The following ZFHX3 variants were observed in gnomAD, a reference collection of about 807,000 sequenced individuals.
The protein encoded by ZFHX3 is zinc finger homeobox 3.
In ZFHX3, 42 loss-of-function variants were observed where a neutral mutation model predicts 279.1. The observed-to-expected ratio is 0.15, with a 90% CI of 0.12 to 0.19. The LOEUF (loss-of-function observed/expected upper bound fraction) is 0.19, where lower values mean the gene tolerates loss of function less well. Among genes scored for constraint, ZFHX3 ranks in the 10% least tolerant of loss-of-function variants. The probability of loss-of-function intolerance (pLI) is 1.00; values close to 1 mark genes in which losing one functional copy is unlikely to be tolerated. For synonymous variants in ZFHX3, 2,293 were observed against 1,957.8 expected (o/e 1.17, Z -4.52); for missense variants, 4,981 against 4,754.0 (o/e 1.05, Z -1.40).
At chr16:73,578,221 T>C (rs825687) in intron 2 of ZFHX3, among the ~76,000 whole-genome samples, 73,915 of 152,020 alleles carry the variant, frequency 0.49, 20,334 homozygotes, top group East Asian at 0.8. Context: ...AGACAACTGA[T>C]TAGATTGATT....
At chr16:73,185,955 G>T (rs897616491) in intron 5 of ZFHX3, among the ~76,000 whole-genome samples, 1 of 152,056 alleles carries the variant, frequency 6.6e-6, no homozygotes, top group African/African-American at 2.4e-5. Flanking sequence ...TCTGCCTCCC[G>T]TCAGATCAGC....
Position 72,915,656 on chromosome 16 carries a change from C to T in ZFHX3, c.3217-25694G>A, listed in dbSNP as rs148430554. On this transcript the variant is annotated intron_variant, in intron 3 of 9. Coordinates refer to ENST00000268489, the MANE Select transcript of ZFHX3 (RefSeq NM_006885.4). The stretch of plus-strand genomic sequence containing the variant: ...TGCATGCCTGTGGTTCCAGCTACTC[C>T]GGAGGCTGAGGGAGGAGGATCACTT... Among the ~76,000 whole-genome samples, 327 of 152,004 alleles carry T rather than the reference C, an allele frequency of 2.2e-3. 2 individuals are homozygous for T. Among genetic ancestry groups the T allele is most frequent in the African/African-American group, 7.5e-3 (311 of 41,444 alleles).
rs557482637 is a variant in ZFHX3 at position 73,156,983 on chromosome 16, ATTGCAG to A, written c.-1103-13158_-1103-13153del. The stretch of plus-strand genomic sequence containing the variant: ...CACCTCGGCCTCCCAAAGTGCTTGG[ATTGCAG>A]GCGTGAGCCACCGTGCCCGGCCTCC... On this transcript the variant is annotated intron_variant, in intron 5 of 17. Transcript: ENST00000641206. 9.0e-4 allele frequency among the ~76,000 whole-genome samples: 137 copies of A among 152,250 alleles called. 1 individual carries two copies. The South Asian group carries it at 0.028, about 31-fold the overall frequency.
intron 4 of ZFHX3, among the ~76,000 whole-genome samples, chr16:73,298,153 T>C (rs1466823137): frequency 6.6e-6 from 1 of 151,686 alleles, no homozygotes; most frequent in Non-Finnish European, 1.5e-5. Flanking sequence ...ATTGAGTCAC[T>C]GTATTCCAGC....
At chr16:72,928,411 T>C (rs1425462294) in intron 3 of ZFHX3, among the ~76,000 whole-genome samples, 6 of 151,984 alleles carry the variant, frequency 3.9e-5, no homozygotes, top group South Asian at 2.1e-4. Flanking sequence ...GAGATTTGAA[T>C]ACATGCAAAA....
intron 5 of ZFHX3, among the ~76,000 whole-genome samples, chr16:73,177,739 T>C (rs1161152129): frequency 6.6e-6 from 1 of 152,236 alleles, no homozygotes; most frequent in Non-Finnish European, 1.5e-5. Flanking sequence ...TAAATGTTGA[T>C]TGTGTTTCTA....
At chr16:72,954,063 A>G (rs543697852) in intron 2 of ZFHX3, among the ~76,000 whole-genome samples, 1 of 152,322 alleles carries the variant, frequency 6.6e-6, no homozygotes, top group Admixed American at 6.5e-5. Context: ...AAACAGGAGC[A>G]GGGCCCCTAT....
At chr16:73,231,929 T>C (rs1259540982) in intron 5 of ZFHX3, 1 of 152,122 alleles carries the variant, frequency 6.6e-6, no homozygotes, top group African/African-American at 2.4e-5. Context: ...TTTTTTTCTA[T>C]CTTTTGGGCG....
At chr16:73,862,647 A>G (rs1373451677) in intron 1 of ZFHX3, among the ~76,000 whole-genome samples, 1 of 152,018 alleles carries the variant, frequency 6.6e-6, no homozygotes, top group Non-Finnish European at 1.5e-5. Context: ...GTGGTGGCAC[A>G]TGCCTGTTTG....
chr16:73,156,171 G>A (rs565050144), intron 5 of ZFHX3, among the ~76,000 whole-genome samples: 3 of 145,100 alleles, frequency 2.1e-5, no homozygotes, highest in Non-Finnish European at 4.5e-5. Context: ...GGCAGAGCTT[G>A]CAGTGAGCCA....
chr16:73,647,024 C>CT (rs36121781), intron 2 of ZFHX3, among the ~76,000 whole-genome samples: 85,168 of 133,762 alleles, frequency 0.64, 27,020 homozygotes, highest in East Asian at 0.83. Context: ...TTTTTTTTTT[C>CT]TTTTTTTTTT....
At chr16:73,012,432 A>T (rs1480328490) in intron 1 of ZFHX3, among the ~76,000 whole-genome samples, 1 of 152,126 alleles carries the variant, frequency 6.6e-6, no homozygotes, top group East Asian at 1.9e-4. Context: ...ATTAAATTAG[A>T]GCTGTTAAAT....
chr16:73,498,049 A>G (rs1399461182), intron 2 of ZFHX3, among the ~76,000 whole-genome samples: 3 of 152,208 alleles, frequency 2.0e-5, no homozygotes, highest in Admixed American at 2.0e-4. Flanking sequence ...GTGCAATATT[A>G]ACAATGGCCA....
chr16:73,485,729 G>C (rs2143636671), intron 2 of ZFHX3, among the ~76,000 whole-genome samples: 2 of 152,214 alleles, frequency 1.3e-5, no homozygotes, highest in East Asian at 3.9e-4. Context: ...CCTGTGTACT[G>C]CCCTACCATG....
rs1231452893 is a variant in ZFHX3, at chr16:73,054,895, T to A, written c.-24+3635A>T. Among the ~76,000 whole-genome samples, 4 of 152,210 alleles carry A rather than the reference T, an allele frequency of 2.6e-5. No homozygotes were observed. The East Asian group carries it at 7.7e-4, about 29-fold the overall frequency. ...CAAACCACAGAACCCCTGCCAACTCTCTCTCTCTAAGATAAAGGGGAAAAA... is the reference window on the plus strand; with the variant it reads ...CAAACCACAGAACCCCTGCCAACTCACTCTCTCTAAGATAAAGGGGAAAAA... On this transcript the variant is annotated intron_variant, in intron 1 of 8. Coordinates refer to the ZFHX3 transcript ENST00000397992.
intron 3 of ZFHX3, among the ~76,000 whole-genome samples, chr16:72,937,620 G>T (rs906166314): frequency 1.3e-5 from 2 of 152,186 alleles, no homozygotes; most frequent in Non-Finnish European, 2.9e-5. Context: ...TGACTTCCAT[G>T]AGTACAGGCT....
intron 4 of ZFHX3, among the ~76,000 whole-genome samples, chr16:73,302,948 G>A (rs1256731747): frequency 6.6e-6 from 1 of 152,184 alleles, no homozygotes; most frequent in Non-Finnish European, 1.5e-5. Flanking sequence ...TTAAAATCAT[G>A]GATGGGAGAG....
chr16:73,364,431 A>G (rs1226184159), intron 3 of ZFHX3, among the ~76,000 whole-genome samples: 3 of 151,798 alleles, frequency 2.0e-5, no homozygotes, highest in Non-Finnish European at 4.4e-5. Flanking sequence ...TATACATAAG[A>G]GGAACTAAAC....
At chr16:72,911,829 C>G (rs2039325320) in intron 3 of ZFHX3, among the ~76,000 whole-genome samples, 1 of 152,144 alleles carries the variant, frequency 6.6e-6, no homozygotes, top group African/African-American at 2.4e-5. Context: ...TCTAGACCAA[C>G]AATCACATCT....
Sources: allele counts gnomAD v4.1 joint callset (sites outside exome capture counted in the v4.1 genomes callset), GRCh38; gene constraint gnomAD v4.1.1; transcripts MANE v1.5; gene names NCBI Gene and HGNC (gene_info 2026-07-23, HGNC 2026-07-21).